Variants in ADAM2 observed in about 807,000 individuals in gnomAD.
ADAM2 encodes ADAM metallopeptidase domain 2, also known as disintegrin and metalloproteinase domain-containing protein 2.
ADAM2 carries 101 observed loss-of-function variants against 99.3 expected under a neutral mutation model. The observed-to-expected ratio is 1.02, with a 90% CI of 0.87 to 1.20. The LOEUF is 1.20. ADAM2 is among the 50% of genes most tolerant of loss of function. ADAM2 has a pLI of 0.00. For synonymous variants in ADAM2, 323 were observed against 287.6 expected (o/e 1.12, Z -1.25); for missense variants, 948 against 878.7 (o/e 1.08, Z -1.00).
At chr8:39,803,899 C>A (rs1804319007) in intron 7 of ADAM2, among the ~76,000 whole-genome samples, 1 of 152,112 alleles carries the variant, frequency 6.6e-6, no homozygotes, top group South Asian at 2.1e-4. Context: ...TACTTATTTG[C>A]TGATGGCCAA....
chr8:39,767,368 G>A, intron 12 of ADAM2, 117 bp from the exon 13 acceptor site: 1 of 871,456 alleles, frequency 1.1e-6, no homozygotes, highest in South Asian at 1.6e-5. Context: ...CTTACATGTT[G>A]GCAAACAGAA....
chr8:39,758,857 T>C (rs1394038360), intron 15 of ADAM2, among the ~76,000 whole-genome samples: 2 of 152,026 alleles, frequency 1.3e-5, no homozygotes, highest in Non-Finnish European at 2.9e-5. Context: ...AAAATAATGA[T>C]AGTAATGTAT....
intron 14 of ADAM2, among the ~76,000 whole-genome samples, chr8:39,764,659 T>C (rs546309238): frequency 9.9e-5 from 15 of 152,282 alleles, no homozygotes; most frequent in African/African-American, 3.6e-4. Flanking sequence ...CTATTAGTGT[T>C]GGCCTCTATG....
At chr8:39,772,596 T>G (rs1429527762) in intron 11 of ADAM2, among the ~76,000 whole-genome samples, 1 of 152,066 alleles carries the variant, frequency 6.6e-6, no homozygotes, top group African/African-American at 2.4e-5. Flanking sequence ...TTGTAGCCAT[T>G]ATTCCTTTGT....
Position 39,777,490 on chromosome 8 carries a change from A to G in ADAM2, c.892-329T>C, listed in dbSNP as rs115197035. On this transcript the variant is annotated intron_variant, in intron 10 of 20. Transcript: ENST00000265708. ...TATCTAAAGATAAATGCATAGAAAA[A>G]CATAGTGTCAAATTATGAAATTTGG... 4.5e-3 allele frequency among the ~76,000 whole-genome samples: 688 copies of G among 152,160 alleles called. 8 individuals are homozygous for G. The highest frequency in any genetic ancestry group is 0.016 in the African/African-American group (646 of 41,538).
At chr8:39,815,800 G>C (rs1395976541) in intron 6 of ADAM2, among the ~76,000 whole-genome samples, 1 of 152,066 alleles carries the variant, frequency 6.6e-6, no homozygotes, top group South Asian at 2.1e-4. Flanking sequence ...AATGAGAAAA[G>C]ATATGAATTA....
intron 4 of ADAM2, among the ~76,000 whole-genome samples, chr8:39,822,799 T>G (rs902964455): frequency 6.6e-6 from 1 of 152,114 alleles, no homozygotes; most frequent in Non-Finnish European, 1.5e-5. Context: ...TGATGGAGTC[T>G]TGCTCTGTCG....
chr8:39,766,127 G>A (rs992404105), intron 14 of ADAM2, among the ~76,000 whole-genome samples: 1 of 152,120 alleles, frequency 6.6e-6, no homozygotes, highest in African/African-American at 2.4e-5. Context: ...TTCCACAGGT[G>A]ATTTTATGCA....
At chr8:39,762,995 A>G (rs1016166525) in intron 14 of ADAM2, among the ~76,000 whole-genome samples, 4 of 152,202 alleles carry the variant, frequency 2.6e-5, no homozygotes, top group Non-Finnish European at 4.4e-5. Context: ...ACTTGGGCAT[A>G]TTCTCATTTG....
intron 7 of ADAM2, among the ~76,000 whole-genome samples, chr8:39,789,095 T>C (rs1048942095): frequency 6.6e-6 from 1 of 151,540 alleles, no homozygotes; most frequent in Non-Finnish European, 1.5e-5. Flanking sequence ...TTTTTGAAGA[T>C]ACAATTCACC....
intron 6 of ADAM2, among the ~76,000 whole-genome samples, chr8:39,816,223 G>A (rs1388594239): frequency 6.6e-6 from 1 of 152,250 alleles, no homozygotes; most frequent in East Asian, 1.9e-4. Context: ...CTTGAACCCG[G>A]GAGGTGGAGG....
chr8:39,774,679 G>T (rs911519190), intron 11 of ADAM2: 1 of 152,028 alleles, frequency 6.6e-6, no homozygotes, highest in Non-Finnish European at 1.5e-5. Flanking sequence ...AAATTGAACA[G>T]AGAATACTTT....
chr8:39,808,974 CAA>C (rs1185814521), intron 7 of ADAM2, among the ~76,000 whole-genome samples: 2 of 151,998 alleles, frequency 1.3e-5, no homozygotes, highest in Non-Finnish European at 2.9e-5. Flanking sequence ...TTATTTTACC[CAA>C]GTTTACAATA....
At chr8:39,826,844 G>A (rs1208478319) in intron 3 of ADAM2, among the ~76,000 whole-genome samples, 2 of 151,988 alleles carry the variant, frequency 1.3e-5, no homozygotes, top group African/African-American at 4.8e-5. Context: ...ATGATTTTTT[G>A]GATATGACTA....
chr8:39,801,419 G>C (rs538194473), intron 7 of ADAM2, among the ~76,000 whole-genome samples: 1 of 152,258 alleles, frequency 6.6e-6, no homozygotes, highest in African/African-American at 2.4e-5. Flanking sequence ...GACCTTGAGG[G>C]GCACCAACCT....
intron 10 of ADAM2, among the ~76,000 whole-genome samples, 176 bp downstream of exon 10, chr8:39,786,798 T>A (rs190389917): frequency 3.3e-5 from 5 of 152,162 alleles, no homozygotes; most frequent in South Asian, 4.1e-4. Context: ...AATTGAAAAA[T>A]TTTTATACAT....
At chr8:39,793,024 C>T (rs976618361) in intron 7 of ADAM2, among the ~76,000 whole-genome samples, 2 of 152,010 alleles carry the variant, frequency 1.3e-5, no homozygotes, top group Non-Finnish European at 2.9e-5. Flanking sequence ...ATAAAATCTC[C>T]ATGTATAAGG....
intron 18 of ADAM2, among the ~76,000 whole-genome samples, 188 bp downstream of exon 18, chr8:39,749,124 A>C (rs1823595304): frequency 1.3e-5 from 2 of 152,140 alleles, no homozygotes; most frequent in Admixed American, 1.3e-4. Context: ...TATCATATTT[A>C]TAACATATGC....
At chr8:39,748,860 C>G (rs1355514695) in intron 18 of ADAM2, among the ~76,000 whole-genome samples, 2 of 152,096 alleles carry the variant, frequency 1.3e-5, no homozygotes, top group African/African-American at 4.8e-5. Context: ...GTTACTCTCC[C>G]TGTGGTTTCA....
Sources: gnomAD v4.1 joint callset for allele counts (sites outside exome capture counted in the v4.1 genomes callset) on GRCh38, gnomAD v4.1.1 for gene constraint, MANE v1.5 for transcripts, NCBI Gene and HGNC (gene_info 2026-07-23, HGNC 2026-07-21) for gene names.